Variants in MCUB observed in about 807,000 individuals in gnomAD.
MCUB encodes calcium uniporter regulatory subunit MCUb, mitochondrial.
A neutral mutation model predicts 41.4 loss-of-function variants in MCUB; 46 were observed. The ratio of observed to expected loss-of-function variants is 1.11; its 90% CI spans 0.88 to 1.42. MCUB has a LOEUF of 1.42. Ranked by LOEUF, MCUB falls within the 40% of genes most tolerant of loss-of-function variation. The probability of loss-of-function intolerance (pLI) is 0.00; values close to 1 mark genes in which losing one functional copy is unlikely to be tolerated. For synonymous variants in MCUB, 148 were observed against 148.2 expected, an observed-to-expected ratio of 1.00 and a Z score of 0.01; for missense variants, 403 against 404.9, an observed-to-expected ratio of 1.00 and a Z score of 0.04.
chr4:109,656,354 C>CCTTT (rs1729099336), intron 1 of MCUB, among the ~76,000 whole-genome samples: 4 of 62,096 alleles, frequency 6.4e-5, no homozygotes, highest in Admixed American at 2.6e-4. Flanking sequence ...TTACTCTCTA[C>CCTTT]TTTTTTTTTT....
At chr4:109,627,489 A>G (rs1240201100) in intron 1 of MCUB, among the ~76,000 whole-genome samples, 1 of 152,220 alleles carries the variant, frequency 6.6e-6, no homozygotes, top group African/African-American at 2.4e-5. Flanking sequence ...CTATTACAGC[A>G]ACTGTCACAT....
chr4:109,601,773 A>G (rs1029535924), intron 1 of MCUB, among the ~76,000 whole-genome samples: 3 of 152,136 alleles, frequency 2.0e-5, no homozygotes, highest in African/African-American at 7.2e-5. Flanking sequence ...TTGCTGGATC[A>G]TATGCTAGCT....
intron 1 of MCUB, among the ~76,000 whole-genome samples, chr4:109,593,580 A>G (rs1425452461): frequency 6.6e-6 from 1 of 152,234 alleles, no homozygotes; most frequent in Non-Finnish European, 1.5e-5. Context: ...ATATGAAATG[A>G]ATATTTTTAG....
chr4:109,571,004 A>T (rs544991610), intron 1 of MCUB, among the ~76,000 whole-genome samples: 2 of 152,330 alleles, frequency 1.3e-5, no homozygotes, highest in East Asian at 3.9e-4. Context: ...GAAGAATCAG[A>T]GTCAGTAGTG....
chr4:109,627,759 A>C (rs185888173), intron 1 of MCUB, among the ~76,000 whole-genome samples: 7 of 152,190 alleles, frequency 4.6e-5, no homozygotes, highest in Non-Finnish European at 7.4e-5. Flanking sequence ...GTAAAAATAC[A>C]AAAATTAGCC....
At chr4:109,686,964 GTTTT>G (rs149021049) in intron 7 of MCUB, among the ~76,000 whole-genome samples, 5,642 of 148,572 alleles carry the variant, frequency 0.038, 368 homozygotes, top group African/African-American at 0.13. Flanking sequence ...TAGGTTAAGG[GTTTT>G]TTTTTTAAGA....
intron 3 of MCUB, among the ~76,000 whole-genome samples, chr4:109,661,384 A>G (rs1034924162): frequency 6.6e-6 from 1 of 152,214 alleles, no homozygotes; most frequent in African/African-American, 2.4e-5. Flanking sequence ...TGAAAGGGAA[A>G]TAAACAGACT....
intron 1 of MCUB, among the ~76,000 whole-genome samples, chr4:109,561,397 G>A (rs1411441623): frequency 6.6e-6 from 1 of 151,980 alleles, no homozygotes; most frequent in African/African-American, 2.4e-5. Context: ...TTTTCCTCCA[G>A]CTGTCTGAGG....
chr4:109,627,974 TA>T (rs1728397783), intron 1 of MCUB, among the ~76,000 whole-genome samples: 1 of 150,280 alleles, frequency 6.7e-6, no homozygotes, highest in Non-Finnish European at 1.5e-5. Context: ...GAGAAGCCAA[TA>T]AAAAAGGGAA....
chr4:109,682,565 C>T lies in MCUB; in HGVS notation c.452-17C>T. On this transcript the variant is annotated splice_polypyrimidine_tract_variant and intron_variant, in intron 4 of 7. Transcript: ENST00000394650. ...ACAATGTGGTGACTGGCTTGTTTCC[C>T]TTGTGTCTTTTCTCAGAAAAACCAA... The T allele has an allele frequency of 1.3e-6, 2 of 1,591,972 alleles. No homozygotes were observed. Among genetic ancestry groups the T allele is most frequent in the Middle Eastern group, 1.7e-4 (1 of 5,930 alleles).
chr4:109,573,831 G>T (rs6821382), intron 1 of MCUB, among the ~76,000 whole-genome samples: 35,963 of 150,652 alleles, frequency 0.24, 6,241 homozygotes, highest in African/African-American at 0.49. Context: ...GATTAAGATG[G>T]TGAGAGTTCT....
intron 1 of MCUB, among the ~76,000 whole-genome samples, chr4:109,601,354 G>T (rs768353384): frequency 3.3e-5 from 5 of 151,780 alleles, no homozygotes; most frequent in Non-Finnish European, 7.4e-5. Context: ...TAACTTTTTG[G>T]GGGGGTACCT....
At chr4:109,660,824 G>T (rs1177999956) in intron 3 of MCUB, among the ~76,000 whole-genome samples, 1 of 142,732 alleles carries the variant, frequency 7.0e-6, no homozygotes, top group African/African-American at 2.6e-5. Flanking sequence ...CCCAAGAAAA[G>T]AAAATTAAAA....
intron 1 of MCUB, among the ~76,000 whole-genome samples, chr4:109,638,599 AAG>A (rs1226569774): frequency 6.6e-6 from 1 of 152,136 alleles, no homozygotes; most frequent in African/African-American, 2.4e-5. Flanking sequence ...TCCTTAAAAT[AAG>A]AGAACCATGA....
At chr4:109,586,666 T>TGC (rs1244871348) in intron 1 of MCUB, among the ~76,000 whole-genome samples, 3 of 152,128 alleles carry the variant, frequency 2.0e-5, no homozygotes, top group East Asian at 1.9e-4. Context: ...TTGATGTTGA[T>TGC]GCTATTCCTT....
intron 1 of MCUB, among the ~76,000 whole-genome samples, chr4:109,623,673 T>G (rs974635903): frequency 3.9e-5 from 6 of 152,158 alleles, no homozygotes; most frequent in Non-Finnish European, 8.8e-5. Context: ...TTTTCCTAAT[T>G]TACAACTCAG....
rs1729741850 is a variant in MCUB at position 109,682,570 on chromosome 4, G to C, written c.452-12G>C. 1.3e-6 allele frequency: 2 copies of C among 1,595,852 alleles called. No homozygotes were observed. The highest frequency in any genetic ancestry group is 1.3e-5 in the African/African-American group (1 of 74,136). On this transcript the variant is annotated splice_polypyrimidine_tract_variant and intron_variant, in intron 4 of 7. Coordinates refer to ENST00000394650, the MANE Select transcript of MCUB (RefSeq NM_017918.5). ...GTGGTGACTGGCTTGTTTCCCTTGT[G>C]TCTTTTCTCAGAAAAACCAAGTAAT...
chr4:109,664,499 A>T, intron 4 of MCUB, 105 bp downstream of exon 4: 1 of 577,592 alleles, frequency 1.7e-6, no homozygotes, highest in Non-Finnish European at 3.1e-6. Flanking sequence ...GTCATAGCTC[A>T]CTGTAATCTC....
chr4:109,674,454 G>A (rs1279105702), intron 4 of MCUB, among the ~76,000 whole-genome samples: 1 of 152,212 alleles, frequency 6.6e-6, no homozygotes, highest in African/African-American at 2.4e-5. Context: ...GGTACTCCCA[G>A]TTTGCTGCAG....
Sources: gnomAD v4.1 joint callset for allele counts (sites outside exome capture counted in the v4.1 genomes callset) on GRCh38, gnomAD v4.1.1 for gene constraint, MANE v1.5 for transcripts, NCBI Gene and HGNC (gene_info 2026-07-23, HGNC 2026-07-21) for gene names.